Variants in SLFN12L observed in about 807,000 individuals in gnomAD.
SLFN12L encodes the protein schlafen family member 12-like.
Under a neutral mutation model 34.8 loss-of-function variants are expected in SLFN12L, and 34 were observed. The ratio of observed to expected loss-of-function variants is 0.98; its 90% CI spans 0.74 to 1.30. The LOEUF is 1.30. SLFN12L is among the 50% of genes most tolerant of loss of function. SLFN12L has a pLI of 0.00. For synonymous variants in SLFN12L, 259 were observed against 247.5 expected, an observed-to-expected ratio of 1.05 and a Z score of -0.44; for missense variants, 703 against 696.2, an observed-to-expected ratio of 1.01 and a Z score of -0.11.
At chr17:35,516,514 TG>T (rs1915834363) in intron 2 of SLFN12L, among the ~76,000 whole-genome samples, 1 of 152,218 alleles carries the variant, frequency 6.6e-6, no homozygotes, top group Non-Finnish European at 1.5e-5. Context: ...TTGTTTGTTG[TG>T]GGGGGCTATC....
At chr17:35,487,182 C>G (rs1469811742) in intron 2 of SLFN12L, among the ~76,000 whole-genome samples, 1 of 152,280 alleles carries the variant, frequency 6.6e-6, no homozygotes, top group Non-Finnish European at 1.5e-5. Flanking sequence ...CCATACAGCA[C>G]TCCCCACTTC....
chr17:35,488,875 G>A (rs1914719510), intron 2 of SLFN12L, among the ~76,000 whole-genome samples: 1 of 151,970 alleles, frequency 6.6e-6, no homozygotes, highest in Non-Finnish European at 1.5e-5. Context: ...TTTGAGACCA[G>A]CCTGGCCAAC....
At chr17:35,484,073 C>T (rs1009914465) in intron 2 of SLFN12L, among the ~76,000 whole-genome samples, 1 of 152,136 alleles carries the variant, frequency 6.6e-6, no homozygotes, top group African/African-American at 2.4e-5. Flanking sequence ...CAATAAATGA[C>T]ACAACTCCTT....
chr17:35,498,188 G>A (rs1448647280), intron 2 of SLFN12L: 11 of 692,914 alleles, frequency 1.6e-5, no homozygotes, highest in Middle Eastern at 7.3e-4. Context: ...GCGGCGTGGG[G>A]AGCCGGGGCC....
intron 2 of SLFN12L, chr17:35,490,669 C>T (rs17549947): frequency 0.14 from 149,660 of 1,052,430 alleles, 13,495 homozygotes; most frequent in South Asian, 0.37. Context: ...CACGCTGGAC[C>T]TCAAACTATT....
chr17:35,530,010 C>T (rs2142176170), intron 1 of SLFN12L, among the ~76,000 whole-genome samples: 1 of 151,698 alleles, frequency 6.6e-6, no homozygotes, highest in South Asian at 2.1e-4. Flanking sequence ...CACTCAAACC[C>T]ATACTGAAAG....
intron 2 of SLFN12L, chr17:35,490,286 A>T (rs1239247343): frequency 2.0e-6 from 3 of 1,491,664 alleles, no homozygotes; most frequent in Non-Finnish European, 2.8e-6. Context: ...CCCCAAGGGC[A>T]AAGGAAGAGC....
chr17:35,519,331 A>C (rs947842904), intron 2 of SLFN12L, among the ~76,000 whole-genome samples: 12 of 152,214 alleles, frequency 7.9e-5, no homozygotes, highest in Non-Finnish European at 1.6e-4. Context: ...CGTTCTGCAC[A>C]TGTATCCCAG....
In SLFN12L at chr17:35,467,530, T is replaced by C. The variant is rs968865730; in HGVS notation, c.*7393A>G. On this transcript the variant is annotated 3_prime_UTR_variant, in exon 5 of 5. Transcript: ENST00000628453. ...AAACAGGCATTCAATAAAACTTTCA[T>C]GACCCTAATAGGTCCCAAATAGCCA... Among the ~76,000 whole-genome samples the C allele has an allele frequency of 1.3e-5, 2 of 152,208 alleles. No individual in the cohort carries two copies. The highest frequency in any genetic ancestry group is 2.9e-5 in the Non-Finnish European group (2 of 68,038).
chr17:35,497,847 T>C (rs970567926), intron 2 of SLFN12L, among the ~76,000 whole-genome samples: 2 of 152,176 alleles, frequency 1.3e-5, no homozygotes, highest in African/African-American at 4.8e-5. Flanking sequence ...TGTTACTAAA[T>C]AATACTAAAA....
At chr17:35,488,429 T>A (rs1361888715) in intron 2 of SLFN12L, among the ~76,000 whole-genome samples, 1 of 152,210 alleles carries the variant, frequency 6.6e-6, no homozygotes, top group Non-Finnish European at 1.5e-5. Flanking sequence ...AGGAAGTATC[T>A]TGCGGCCTTC....
chr17:35,500,676 C>T (rs2142149945), intron 2 of SLFN12L, among the ~76,000 whole-genome samples: 1 of 151,932 alleles, frequency 6.6e-6, no homozygotes, highest in South Asian at 2.1e-4. Context: ...TTGCAGTGAG[C>T]CAAGATTGTG....
At position 35,493,046 on chromosome 17, in the gene SLFN12L, G is replaced by T. The variant is rs139299550; in HGVS notation, c.87-12851C>A. 4.0e-3 allele frequency among the ~76,000 whole-genome samples: 602 copies of T among 152,284 alleles called. 6 individuals carry two copies. Among genetic ancestry groups the T allele is most frequent in the African/African-American group, 0.014 (564 of 41,572 alleles). The stretch of plus-strand genomic sequence containing the variant: ...GGTAGATTTCCACAATATGCAAAGT[G>T]GTGGTGGGGTCAAGACAGGTGACAC... On this transcript the variant is annotated intron_variant, in intron 2 of 4. Transcript: ENST00000628453.
chr17:35,483,273 G>C (rs539786791), intron 2 of SLFN12L, among the ~76,000 whole-genome samples: 14 of 152,156 alleles, frequency 9.2e-5, no homozygotes, highest in Non-Finnish European at 1.6e-4. Flanking sequence ...TCTCCTCTGA[G>C]CTGTCCTAAC....
rs1330875150 is a variant in SLFN12L at position 35,468,802 on chromosome 17, A to G, written c.*6121T>C. ...TGGGAGGCTGAGGCAGGACTGCTTA[A>G]TCCCAGGAGTTCAAACCAGCCTGGG... On this transcript the variant is annotated 3_prime_UTR_variant, in exon 5 of 5. Transcript: ENST00000628453. 6.6e-6 allele frequency among the ~76,000 whole-genome samples: 1 copy of G among 152,114 alleles called. No homozygotes were observed. The highest frequency in any genetic ancestry group is 1.5e-5 in the Non-Finnish European group (1 of 68,002).
Position 35,466,760 on chromosome 17 carries a change from CTT to C in SLFN12L, c.*8161_*8162del, listed in dbSNP as rs1266894926. 2.6e-5 allele frequency among the ~76,000 whole-genome samples: 4 copies of C among 152,144 alleles called. No homozygotes were observed. The highest frequency in any genetic ancestry group is 9.7e-5 in the African/African-American group (4 of 41,430). ...TGCATTGATTCCTTTACTGAAGAGA[CTT>C]TAACAAGCTCTACTCATGCCTCCTA... On this transcript the variant is annotated 3_prime_UTR_variant, in exon 5 of 5. Coordinates refer to ENST00000628453, the MANE Select transcript of SLFN12L (RefSeq NM_001363830.2).
At chr17:35,533,714 G>A (rs967993980) in intron 1 of SLFN12L, among the ~76,000 whole-genome samples, 5 of 152,092 alleles carry the variant, frequency 3.3e-5, no homozygotes, top group Admixed American at 3.3e-4. Context: ...GATGAGGTTG[G>A]AACCATGCTC....
Position 35,518,549 on chromosome 17 carries a change from T to TAAA in SLFN12L, c.86+3727_86+3729dup, listed in dbSNP as rs145135287. 3.0e-4 allele frequency among the ~76,000 whole-genome samples: 42 copies of TAAA among 137,880 alleles called. 1 individual carries two copies. Among genetic ancestry groups the TAAA allele is most frequent in the Admixed American group, 1.0e-3 (14 of 13,632 alleles). 90.5% of individuals were successfully genotyped at this position (137,880 alleles called of 152,430 possible). ...CTGGGAGACAGAGTGAGACTGTATT[T>TAAA]AAAAAAAAAAAAAAAAAGACATTTA... is the stretch of plus-strand genomic sequence containing the variant. On this transcript the variant is annotated intron_variant, in intron 2 of 4. Transcript: ENST00000628453.
At chr17:35,527,495 T>C (rs2072349563) in intron 1 of SLFN12L, among the ~76,000 whole-genome samples, 1 of 152,128 alleles carries the variant, frequency 6.6e-6, no homozygotes, top group Non-Finnish European at 1.5e-5. Context: ...ATCAAAAAGC[T>C]TATCCACCAC....
Sources: gnomAD v4.1 joint callset for allele counts (sites outside exome capture counted in the v4.1 genomes callset) on GRCh38, gnomAD v4.1.1 for gene constraint, MANE v1.5 for transcripts, NCBI Gene and HGNC (gene_info 2026-07-23, HGNC 2026-07-21) for gene names.